TMEM273: variants seen among roughly 807,000 people sequenced by gnomAD.
TMEM273 encodes the protein chromosome 10 open reading frame 128.
In TMEM273, 19 loss-of-function variants were observed where a neutral mutation model predicts 17.9. That is an observed-to-expected ratio of 1.06 (90% CI 0.74 to 1.55). The LOEUF is 1.55. Ranked by LOEUF, TMEM273 falls within the 40% of genes most tolerant of loss-of-function variation. The pLI is 0.00. For synonymous variants in TMEM273, 66 were observed against 62.0 expected (o/e 1.07, Z -0.31); for missense variants, 194 against 155.6 (o/e 1.25, Z -1.31).
intron 4 of TMEM273, 27 bp from the exon 5 acceptor site, chr10:49,165,310 A>G: frequency 6.4e-7 from 1 of 1,550,546 alleles, no homozygotes; most frequent in Non-Finnish European, 8.7e-7. Context: ...CAATTACAGA[A>G]AACAGCAAGT....
intron 1 of TMEM273, among the ~76,000 whole-genome samples, chr10:49,182,626 A>G (rs1226634651): frequency 1.3e-5 from 2 of 152,248 alleles, no homozygotes; most frequent in Non-Finnish European, 2.9e-5. Flanking sequence ...TTTATATGAC[A>G]GCTTTTTTAA....
chr10:49,178,709 G>C (rs1221202939), intron 1 of TMEM273, among the ~76,000 whole-genome samples: 2 of 152,176 alleles, frequency 1.3e-5, no homozygotes, highest in Non-Finnish European at 2.9e-5. Context: ...AGCCTTCCTG[G>C]ATACTCTAGT....
intron 1 of TMEM273, among the ~76,000 whole-genome samples, chr10:49,180,311 G>A (rs956987433): frequency 6.6e-5 from 10 of 152,138 alleles, no homozygotes; most frequent in African/African-American, 1.2e-4. Flanking sequence ...ACCCAAGCCC[G>A]AGGCTGACGT....
intron 1 of TMEM273, among the ~76,000 whole-genome samples, chr10:49,172,429 C>T (rs138658150): frequency 6.6e-6 from 1 of 152,322 alleles, no homozygotes; most frequent in Non-Finnish European, 1.5e-5. Flanking sequence ...AGAGTGGGCA[C>T]TGGTGCATGG....
At chr10:49,168,657 G>GAAGGAAGGAAGGAAGA (rs1291802081) in intron 1 of TMEM273, among the ~76,000 whole-genome samples, 1 of 132,772 alleles carries the variant, frequency 7.5e-6, no homozygotes, top group East Asian at 2.4e-4. Context: ...TTGGTGAATG[G>GAAGGAAGGAAGGAAGA]AAGGAAGGAA....
chr10:49,186,592 C>T (rs1244521216), intron 1 of TMEM273, among the ~76,000 whole-genome samples: 1 of 152,204 alleles, frequency 6.6e-6, no homozygotes, highest in Non-Finnish European at 1.5e-5. Flanking sequence ...TAACAGATTT[C>T]ATTTTCCCAA....
At chr10:49,179,703 T>A (rs1012284798) in intron 1 of TMEM273, among the ~76,000 whole-genome samples, 6 of 152,194 alleles carry the variant, frequency 3.9e-5, no homozygotes, top group African/African-American at 1.4e-4. Context: ...GGGCAGTGAA[T>A]TTCTGGGTTT....
intron 5 of TMEM273, among the ~76,000 whole-genome samples, chr10:49,162,549 G>C (rs77643452): frequency 0.037 from 5,571 of 152,306 alleles, 273 homozygotes; most frequent in South Asian, 0.12. Flanking sequence ...GGTCAAGGTA[G>C]CGTCCCTGTG....
intron 1 of TMEM273, among the ~76,000 whole-genome samples, chr10:49,169,121 TACAACACCA>T (rs1846391395): frequency 6.6e-6 from 1 of 152,112 alleles, no homozygotes; most frequent in South Asian, 2.1e-4. Flanking sequence ...AACTAACAGA[TACAACACCA>T]CCAAAACCAT....
chr10:49,168,944 A>G (rs1846378838), intron 1 of TMEM273, among the ~76,000 whole-genome samples: 1 of 152,190 alleles, frequency 6.6e-6, no homozygotes, highest in Non-Finnish European at 1.5e-5. Flanking sequence ...TGTAATACTC[A>G]CAGCAACAAC....
chr10:49,178,073 T>G (rs1847104072), intron 1 of TMEM273: 1 of 414,190 alleles, frequency 2.4e-6, no homozygotes, highest in Admixed American at 2.5e-5. Context: ...CTCCAACCCA[T>G]CTGGGGCACT....
In TMEM273 at chr10:49,155,000, G is replaced by GTGA. The variant is rs913012703; in HGVS notation, c.*889_*891dup. 1.3e-5 allele frequency: 2 copies of GTGA among 152,220 alleles called. No homozygotes were observed. Among genetic ancestry groups the GTGA allele is most frequent in the African/African-American group, 4.8e-5 (2 of 41,446 alleles). The allele number at this position is 152,220 out of a possible 1,614,324, so 9.4% of individuals were successfully genotyped here. A position where few individuals can be genotyped will look rare whatever the true frequency, so the allele number is the denominator to read the frequency against. On this transcript the variant is annotated 3_prime_UTR_variant, in exon 7 of 7. Transcript: ENST00000374153. ...GGAAAGGCAAAGAATATTCCGTGAT[G>GTGA]TGATCCCAGAAATACAGGGTTAATA...
At chr10:49,158,745 A>C (rs979461024) in intron 6 of TMEM273, among the ~76,000 whole-genome samples, 2 of 152,232 alleles carry the variant, frequency 1.3e-5, no homozygotes, top group Non-Finnish European at 2.9e-5. Flanking sequence ...CTGGGGAAAT[A>C]GGGTGGTTTT....
In TMEM273 at chr10:49,179,925, C is replaced by A. The variant is rs118133098; in HGVS notation, c.43+8369G>T. 1.3e-4 allele frequency among the ~76,000 whole-genome samples: 20 copies of A among 152,336 alleles called. No individual in the cohort carries two copies. The East Asian group carries it at 3.9e-3, about 29-fold the overall frequency. On this transcript the variant is annotated intron_variant, in intron 1 of 6. Transcript: ENST00000374153. ...AACTGTGCCCTCACCCCAAGCCCCA[C>A]CCTCATCAACAGAGGCCGAGTGGAG...
chr10:49,169,748 T>C (rs1846431174), intron 1 of TMEM273, among the ~76,000 whole-genome samples: 1 of 152,192 alleles, frequency 6.6e-6, no homozygotes, highest in African/African-American at 2.4e-5. Flanking sequence ...TCCAGCTAGG[T>C]TGAACATCGT....
chr10:49,162,653 G>A (rs758655080), intron 5 of TMEM273, among the ~76,000 whole-genome samples: 1 of 152,148 alleles, frequency 6.6e-6, no homozygotes, highest in South Asian at 2.1e-4. Context: ...GACCACAGGG[G>A]CTGAGCTGGC....
In TMEM273 at chr10:49,167,788, C is replaced by T. The variant is rs1043502691; in HGVS notation, c.97+121G>A. ...CTGGGGGACCTGGAGGTGAGGGTGC[C>T]CCTTTTCCTATGCTGACAGCAGGGA... On this transcript the variant is annotated intron_variant, in intron 2 of 6. Coordinates refer to ENST00000374153, the MANE Select transcript of TMEM273 (RefSeq NM_001288740.3). 5.4e-4 allele frequency: 692 copies of T among 1,291,536 alleles called. 2 individuals are homozygous for T. The highest frequency in any genetic ancestry group is 4.2e-4 in the Admixed American group (23 of 54,132). 80.0% of individuals were successfully genotyped at this position (1,291,536 alleles called of 1,614,324 possible). A position where few individuals can be genotyped will look rare whatever the true frequency, so the allele number is the denominator to read the frequency against.
chr10:49,177,356 C>T (rs1262695688), intron 1 of TMEM273, among the ~76,000 whole-genome samples: 2 of 152,238 alleles, frequency 1.3e-5, no homozygotes, highest in African/African-American at 4.8e-5. Context: ...GATTCGGGTC[C>T]TCACTTTCAG....
Position 49,182,033 on chromosome 10 carries a change from G to T in TMEM273, c.43+6261C>A, listed in dbSNP as rs181567432. On this transcript the variant is annotated intron_variant, in intron 1 of 6. Transcript: ENST00000374153. ...AATTCATTTAGAAAAATGGGCAGAA[G>T]TCATTAGGGGAACTCTTGCCCTATC... Among the ~76,000 whole-genome samples, 279 of 152,330 alleles carry T rather than the reference G, an allele frequency of 1.8e-3. 1 individual carries two copies. Among genetic ancestry groups the T allele is most frequent in the African/African-American group, 6.0e-3 (250 of 41,576 alleles).
Sources: allele counts gnomAD v4.1 joint callset (sites outside exome capture counted in the v4.1 genomes callset), GRCh38; gene constraint gnomAD v4.1.1; transcripts MANE v1.5; gene names NCBI Gene and HGNC (gene_info 2026-07-23, HGNC 2026-07-21).